Variants in CSMD1 observed in about 807,000 individuals in gnomAD.
CSMD1 encodes CUB and sushi domain-containing protein 1.
A neutral mutation model predicts 417.5 loss-of-function variants in CSMD1; 213 were observed. That is an observed-to-expected ratio of 0.51 (90% CI 0.46 to 0.57). The LOEUF is 0.57. Ranked by LOEUF, CSMD1 falls within the 20% of genes least tolerant of loss-of-function variation. The pLI is 0.00. For missense variants in CSMD1, 6,923 were observed against 4,529.7 expected, an observed-to-expected ratio of 1.53 and a Z score of -15.17; for synonymous variants, 2,862 against 1,736.8, an observed-to-expected ratio of 1.65 and a Z score of -16.11.
At chr8:3,667,179 T>G (rs546378367) in intron 7 of CSMD1, among the ~76,000 whole-genome samples, 1 of 152,242 alleles carries the variant, frequency 6.6e-6, no homozygotes, top group South Asian at 2.1e-4. Flanking sequence ...ATTCTAATGA[T>G]AAGACAAATG....
chr8:4,764,167 C>A (rs1026207943), intron 1 of CSMD1, among the ~76,000 whole-genome samples: 9 of 152,144 alleles, frequency 5.9e-5, no homozygotes, highest in Non-Finnish European at 1.0e-4. Context: ...CTAAGGAGCA[C>A]CCACTGCTGA....
chr8:4,506,985 C>G (rs889692673), intron 2 of CSMD1, among the ~76,000 whole-genome samples: 1 of 151,904 alleles, frequency 6.6e-6, no homozygotes, highest in Non-Finnish European at 1.5e-5. Flanking sequence ...AAAATTGAAT[C>G]GGTGAAGGAA....
intron 37 of CSMD1, among the ~76,000 whole-genome samples, chr8:3,163,706 C>T (rs931515492): frequency 2.0e-5 from 3 of 152,088 alleles, no homozygotes; most frequent in South Asian, 2.1e-4. Flanking sequence ...GTGTGACTCA[C>T]GCAGTGCCCA....
At chr8:3,303,488 C>T (rs778030840) in intron 25 of CSMD1, among the ~76,000 whole-genome samples, 62 of 152,208 alleles carry the variant, frequency 4.1e-4, no homozygotes, top group Admixed American at 3.4e-3. Flanking sequence ...TTTTGATATG[C>T]GTCCAATGTT....
At chr8:3,667,357 T>A (rs1051329768) in intron 7 of CSMD1, among the ~76,000 whole-genome samples, 2 of 151,986 alleles carry the variant, frequency 1.3e-5, no homozygotes, top group African/African-American at 4.8e-5. Context: ...TAGGATGTCA[T>A]GGAGATGACA....
chr8:4,431,153 C>T (rs1247346966), intron 2 of CSMD1, among the ~76,000 whole-genome samples: 1 of 151,988 alleles, frequency 6.6e-6, no homozygotes, highest in Non-Finnish European at 1.5e-5. Context: ...AAATGATTTG[C>T]TCAAAGGCAA....
chr8:3,850,688 C>T (rs906988197), intron 5 of CSMD1, among the ~76,000 whole-genome samples: 1 of 151,940 alleles, frequency 6.6e-6, no homozygotes, highest in African/African-American at 2.4e-5. Flanking sequence ...GAGTGCGACT[C>T]TGTCTCAAAA....
At chr8:4,646,455 G>A (rs534615008) in intron 1 of CSMD1, among the ~76,000 whole-genome samples, 10 of 152,242 alleles carry the variant, frequency 6.6e-5, no homozygotes, top group African/African-American at 2.2e-4. Context: ...GTTTCCCTAA[G>A]TAGTGCATTT....
chr8:3,466,573 G>A (rs1290462710), intron 12 of CSMD1, among the ~76,000 whole-genome samples: 2 of 141,174 alleles, frequency 1.4e-5, no homozygotes, highest in African/African-American at 5.6e-5. Flanking sequence ...TCCACAATCA[G>A]CTAATTTTTT....
At position 4,338,857 on chromosome 8, in the gene CSMD1, G is replaced by C. The variant is rs190817316; in HGVS notation, c.415+81096C>G. Reference sequence around the variant, plus strand: ...AGCTTTATATTACTTTTTGAAAGAAGAAATTATGGAAGGTTTAGAAGAGAA... The same window carrying C: ...AGCTTTATATTACTTTTTGAAAGAACAAATTATGGAAGGTTTAGAAGAGAA... On this transcript the variant is annotated intron_variant, in intron 3 of 69. Coordinates refer to ENST00000635120, the MANE Select transcript of CSMD1 (RefSeq NM_033225.6). Among the ~76,000 whole-genome samples the C allele has an allele frequency of 4.5e-4, 68 of 152,176 alleles. 1 individual carries two copies. The East Asian group carries it at 9.7e-3, about 22-fold the overall frequency.
chr8:4,605,791 T>C (rs1221906051), intron 2 of CSMD1, among the ~76,000 whole-genome samples: 1 of 152,214 alleles, frequency 6.6e-6, no homozygotes, highest in Non-Finnish European at 1.5e-5. Context: ...ACCGGTCCAA[T>C]GCTCTCAAAC....
At chr8:3,448,223 A>G (rs1457234418) in intron 12 of CSMD1, among the ~76,000 whole-genome samples, 3 of 147,762 alleles carry the variant, frequency 2.0e-5, no homozygotes, top group African/African-American at 7.5e-5. Context: ...TGATGGGGCC[A>G]ACTCTCAAAA....
chr8:4,154,191 A>C (rs1796711067), intron 3 of CSMD1, among the ~76,000 whole-genome samples: 1 of 152,224 alleles, frequency 6.6e-6, no homozygotes, highest in Non-Finnish European at 1.5e-5. Context: ...CTTAGATGCC[A>C]CATCTATTCA....
At chr8:4,746,543 G>C (rs575651984) in intron 1 of CSMD1, among the ~76,000 whole-genome samples, 1 of 152,234 alleles carries the variant, frequency 6.6e-6, no homozygotes, top group African/African-American at 2.4e-5. Context: ...GATCAGTGAA[G>C]ACGAAGGGCT....
At chr8:4,022,764 A>T (rs1162601884) in intron 4 of CSMD1, among the ~76,000 whole-genome samples, 1 of 152,234 alleles carries the variant, frequency 6.6e-6, no homozygotes, top group African/African-American at 2.4e-5. Flanking sequence ...TTTGGGAATC[A>T]GAGAAAACAA....
intron 10 of CSMD1, among the ~76,000 whole-genome samples, chr8:3,541,960 G>C (rs1798459208): frequency 6.6e-6 from 1 of 152,002 alleles, no homozygotes; most frequent in Non-Finnish European, 1.5e-5. Context: ...AGGTTGGAGT[G>C]AGCCTAGATG....
At chr8:3,171,940 G>C (rs181981582) in intron 37 of CSMD1, among the ~76,000 whole-genome samples, 3 of 152,248 alleles carry the variant, frequency 2.0e-5, no homozygotes, top group South Asian at 2.1e-4. Flanking sequence ...TGACTCAACA[G>C]TTTTCCCTTT....
At chr8:3,739,811 G>C (rs1246373173) in intron 6 of CSMD1, among the ~76,000 whole-genome samples, 2 of 152,148 alleles carry the variant, frequency 1.3e-5, no homozygotes, top group African/African-American at 4.8e-5. Flanking sequence ...ATTCAATTTT[G>C]TTAGTAACAA....
rs933485504 is a variant in CSMD1, at chr8:4,166,105, T to C, written c.416-134006A>G. On this transcript the variant is annotated intron_variant, in intron 3 of 69. Transcript: ENST00000635120. ...AATTACATTCTTAATGATGAGGTCATAGAGCAGCACTGTCTGATGCAAACA... is the reference window on the plus strand; with the variant it reads ...AATTACATTCTTAATGATGAGGTCACAGAGCAGCACTGTCTGATGCAAACA... 5.3e-5 allele frequency among the ~76,000 whole-genome samples: 8 copies of C among 152,320 alleles called. No homozygotes were observed. The South Asian group carries it at 8.3e-4, about 16-fold the overall frequency.
Sources: allele counts gnomAD v4.1 joint callset (sites outside exome capture counted in the v4.1 genomes callset), GRCh38; gene constraint gnomAD v4.1.1; transcripts MANE v1.5; gene names NCBI Gene and HGNC (gene_info 2026-07-23, HGNC 2026-07-21).